VIT: variants seen among roughly 807,000 people sequenced by gnomAD.
VIT encodes vitrin.
In VIT, 99 loss-of-function variants were observed where a neutral mutation model predicts 78.0. The ratio of observed to expected loss-of-function variants is 1.27; its 90% CI spans 1.08 to 1.50. The LOEUF (loss-of-function observed/expected upper bound fraction) is 1.50. VIT is among the 40% of genes most tolerant of loss of function. The pLI is 0.00. For missense variants in VIT, 1,126 were observed against 875.3 expected (o/e 1.29, Z -3.61); for synonymous variants, 374 against 334.3 (o/e 1.12, Z -1.29).
At chr2:36,746,993 T>C (rs1041377331) in intron 4 of VIT, among the ~76,000 whole-genome samples, 2 of 152,162 alleles carry the variant, frequency 1.3e-5, no homozygotes, top group Non-Finnish European at 2.9e-5. Flanking sequence ...GATTTTGGTA[T>C]GTTGTGTCTC....
At chr2:36,810,830 C>T (rs1231297088) in intron 15 of VIT, among the ~76,000 whole-genome samples, 2 of 152,108 alleles carry the variant, frequency 1.3e-5, no homozygotes, top group Non-Finnish European at 2.9e-5. Flanking sequence ...GACAGGGTTT[C>T]ACCGCATTGG....
intron 12 of VIT, among the ~76,000 whole-genome samples, chr2:36,799,299 G>A (rs924533561): frequency 7.2e-5 from 11 of 152,154 alleles, no homozygotes; most frequent in African/African-American, 1.2e-4. Flanking sequence ...CACTTGTCCC[G>A]GTCCGCATGG....
At chr2:36,713,088 G>A (rs1404702339) in intron 1 of VIT, among the ~76,000 whole-genome samples, 2 of 152,200 alleles carry the variant, frequency 1.3e-5, no homozygotes, top group African/African-American at 4.8e-5. Context: ...TGTCAGAAGT[G>A]ATAAGTCAAT....
intron 9 of VIT, among the ~76,000 whole-genome samples, chr2:36,779,132 C>T (rs912739339): frequency 6.6e-6 from 1 of 152,152 alleles, no homozygotes; most frequent in South Asian, 2.1e-4. Context: ...GGTGGCTGGG[C>T]CAGGCCCAGC....
intron 2 of VIT, among the ~76,000 whole-genome samples, chr2:36,719,852 G>T (rs904284747): frequency 1.3e-5 from 2 of 152,106 alleles, no homozygotes; most frequent in Admixed American, 6.5e-5. Context: ...GAGGTGGGAA[G>T]ATCACCTGAG....
chr2:36,699,812 T>A (rs1664934825), intron 1 of VIT, among the ~76,000 whole-genome samples: 1 of 152,184 alleles, frequency 6.6e-6, no homozygotes, highest in Non-Finnish European at 1.5e-5. Context: ...AAGCCTTACA[T>A]GCGAGGTCAA....
chr2:36,720,038 A>G (rs554531989), intron 2 of VIT, among the ~76,000 whole-genome samples: 1 of 152,330 alleles, frequency 6.6e-6, no homozygotes, highest in South Asian at 2.1e-4. Context: ...TATTGTTAAA[A>G]TGCCTATACT....
intron 10 of VIT, 32 bp downstream of exon 10, chr2:36,781,803 G>T: frequency 6.2e-7 from 1 of 1,613,624 alleles, no homozygotes; most frequent in Non-Finnish European, 8.5e-7. Flanking sequence ...TCAGCCACGC[G>T]TGGATCAAGA....
chr2:36,792,900 T>C (rs1230174343), intron 12 of VIT, among the ~76,000 whole-genome samples: 3 of 152,206 alleles, frequency 2.0e-5, no homozygotes, highest in Non-Finnish European at 4.4e-5. Context: ...GAAGCCCCAT[T>C]GCTGATTTTT....
intron 2 of VIT, among the ~76,000 whole-genome samples, chr2:36,725,444 A>G (rs1260205347): frequency 2.0e-5 from 3 of 151,826 alleles, no homozygotes; most frequent in African/African-American, 4.8e-5. Context: ...TCCTCACATG[A>G]CAGAAGAGGC....
At chr2:36,711,773 T>C (rs1019147469) in intron 1 of VIT, among the ~76,000 whole-genome samples, 2 of 152,240 alleles carry the variant, frequency 1.3e-5, no homozygotes, top group African/African-American at 2.4e-5. Flanking sequence ...ATATTATTAT[T>C]TATTACCAAC....
intron 9 of VIT, among the ~76,000 whole-genome samples, chr2:36,776,143 A>C (rs1180466215): frequency 1.3e-5 from 2 of 152,182 alleles, no homozygotes; most frequent in African/African-American, 4.8e-5. Context: ...CAGCCCCTTC[A>C]TTTGGTGGGT....
intron 1 of VIT, among the ~76,000 whole-genome samples, chr2:36,709,379 C>T (rs887599435): frequency 1.1e-4 from 16 of 152,134 alleles, no homozygotes; most frequent in Admixed American, 9.2e-4. Context: ...ATAGTCTCTA[C>T]CTCATCGGGT....
At chr2:36,734,098 G>A (rs1346591226) in intron 3 of VIT, among the ~76,000 whole-genome samples, 1 of 152,162 alleles carries the variant, frequency 6.6e-6, no homozygotes, top group Non-Finnish European at 1.5e-5. Context: ...CAGACATCCT[G>A]AGTCAAAAAC....
At chr2:36,704,192 C>G (rs1157120881) in intron 1 of VIT, among the ~76,000 whole-genome samples, 2 of 151,938 alleles carry the variant, frequency 1.3e-5, no homozygotes, top group Admixed American at 6.6e-5. Flanking sequence ...TCCCAAAGTG[C>G]TCGGATTACA....
chr2:36,800,039 T>G (rs536426532), intron 12 of VIT, among the ~76,000 whole-genome samples: 25 of 119,204 alleles, frequency 2.1e-4, no homozygotes, highest in African/African-American at 9.2e-4. Flanking sequence ...ACAGCGAGAC[T>G]CCGTCTCAAA....
At chr2:36,715,985 T>C (rs1248660013) in intron 1 of VIT, among the ~76,000 whole-genome samples, 1 of 152,228 alleles carries the variant, frequency 6.6e-6, no homozygotes, top group East Asian at 1.9e-4. Flanking sequence ...TAGTGAAGTA[T>C]TAATAATTGT....
intron 1 of VIT, among the ~76,000 whole-genome samples, chr2:36,697,520 A>C (rs12989101): frequency 0.34 from 52,193 of 152,140 alleles, 9,219 homozygotes; most frequent in Non-Finnish European, 0.39. Flanking sequence ...TTACACTTAA[A>C]GTGTTTTCTT....
chr2:36,787,673 T>C (rs1665200051), intron 12 of VIT: 1 of 340,756 alleles, frequency 2.9e-6, no homozygotes, highest in Non-Finnish European at 5.7e-6. Context: ...TCAACCCTAT[T>C]ACAGCATTTG....
Sources: allele counts gnomAD v4.1 joint callset (sites outside exome capture counted in the v4.1 genomes callset), GRCh38; gene constraint gnomAD v4.1.1; transcripts MANE v1.5; gene names NCBI Gene and HGNC (gene_info 2026-07-23, HGNC 2026-07-21).